Variants in SLC35F3 observed in about 807,000 individuals in gnomAD.
SLC35F3 encodes the protein solute carrier family 35 member F3.
Under a neutral mutation model 49.9 loss-of-function variants are expected in SLC35F3, and 25 were observed. The observed-to-expected ratio is 0.50, with a 90% CI of 0.37 to 0.70. The LOEUF (loss-of-function observed/expected upper bound fraction) is 0.70. Among genes scored for constraint, SLC35F3 ranks in the 30% least tolerant of loss-of-function variants. The probability of loss-of-function intolerance (pLI) is 0.00; values close to 1 mark genes in which losing one functional copy is unlikely to be tolerated. For synonymous variants in SLC35F3, 275 were observed against 265.4 expected, an observed-to-expected ratio of 1.04 and a Z score of -0.35; for missense variants, 525 against 639.8, an observed-to-expected ratio of 0.82 and a Z score of 1.94.
At position 234,320,357 on chromosome 1, in the gene SLC35F3, T is replaced by C. The variant is rs1439375228; in HGVS notation, c.1237+170T>C. On this transcript the variant is annotated intron_variant, in intron 7 of 7. Coordinates refer to ENST00000366618, the MANE Select transcript of SLC35F3 (RefSeq NM_173508.4). This position sits in a 1 kb window ranked among gnomAD's most constrained non-coding sequence, Gnocchi z 4.8. ...ACTCTCACATACATACTCACATATA[T>C]TATTGCTCTGCCTGCTATAGAATGC... 1.3e-4 allele frequency among the ~76,000 whole-genome samples: 19 copies of C among 151,914 alleles called. No individual in the cohort carries two copies. The highest frequency in any genetic ancestry group is 1.2e-3 in the Admixed American group (19 of 15,246).
At chr1:233,923,836 GA>G (rs1371550888) in intron 2 of SLC35F3, among the ~76,000 whole-genome samples, 1 of 152,174 alleles carries the variant, frequency 6.6e-6, no homozygotes, top group African/African-American at 2.4e-5. Flanking sequence ...CCTAGTTTAT[GA>G]GAGTTTTTAG....
intron 2 of SLC35F3, among the ~76,000 whole-genome samples, chr1:234,222,717 CTG>C (rs1421064880): frequency 6.6e-6 from 1 of 152,244 alleles, no homozygotes; most frequent in Non-Finnish European, 1.5e-5. Context: ...TCCTGTAAAA[CTG>C]TGGTTCATCC....
intron 2 of SLC35F3, among the ~76,000 whole-genome samples, chr1:233,912,515 C>T (rs968016116): frequency 1.8e-4 from 27 of 151,692 alleles, no homozygotes; most frequent in African/African-American, 5.1e-4. Context: ...ACAAAAAAAA[C>T]GAAAAGGAGA....
At chr1:234,244,016 T>C (rs1667594061) in intron 3 of SLC35F3, among the ~76,000 whole-genome samples, 1 of 152,192 alleles carries the variant, frequency 6.6e-6, no homozygotes, top group South Asian at 2.1e-4. Context: ...AAATGACACC[T>C]GTCAACCAGT....
At chr1:234,196,959 A>G (rs1438691838) in intron 2 of SLC35F3, among the ~76,000 whole-genome samples, 1 of 152,214 alleles carries the variant, frequency 6.6e-6, no homozygotes, top group Non-Finnish European at 1.5e-5. Flanking sequence ...AAAAAGAAAG[A>G]CAAAGATAAA....
chr1:234,073,267 CCATGT>C (rs1168577150), intron 2 of SLC35F3, among the ~76,000 whole-genome samples: 2 of 152,150 alleles, frequency 1.3e-5, no homozygotes, highest in Non-Finnish European at 2.9e-5. Flanking sequence ...CCTCAGCTTC[CCATGT>C]ATGTGGAACT....
At chr1:234,131,641 A>G (rs1271019928) in intron 2 of SLC35F3, among the ~76,000 whole-genome samples, 1 of 152,212 alleles carries the variant, frequency 6.6e-6, no homozygotes, top group East Asian at 1.9e-4. Flanking sequence ...GGGATTCAAC[A>G]TCTCTCAGCA....
intron 2 of SLC35F3, among the ~76,000 whole-genome samples, chr1:233,969,864 G>A (rs146009397): frequency 0.018 from 2,800 of 152,268 alleles, 42 homozygotes; most frequent in Non-Finnish European, 0.028. Flanking sequence ...TGGATTCTGA[G>A]ATCTGGTCAT....
intron 2 of SLC35F3, among the ~76,000 whole-genome samples, chr1:233,953,501 G>C (rs535890414): frequency 6.6e-6 from 1 of 152,302 alleles, no homozygotes; most frequent in African/African-American, 2.4e-5. Context: ...CTTTGTAAAG[G>C]TATTGCAAGT....
chr1:234,287,894 T>A (rs1668447368), intron 3 of SLC35F3, among the ~76,000 whole-genome samples: 1 of 152,144 alleles, frequency 6.6e-6, no homozygotes, highest in Admixed American at 6.5e-5. Context: ...GGTGGCGAAA[T>A]TTTTTTTAGA....
chr1:233,991,484 T>C (rs7531415), intron 2 of SLC35F3, among the ~76,000 whole-genome samples: 42,048 of 151,634 alleles, frequency 0.28, 6,070 homozygotes, highest in East Asian at 0.49. Flanking sequence ...GAAAAAAAAC[T>C]AGAGGGTACA....
At chr1:234,017,713 C>T (rs1160829048) in intron 2 of SLC35F3, among the ~76,000 whole-genome samples, 1 of 44,428 alleles carries the variant, frequency 2.3e-5, no homozygotes, top group African/African-American at 6.1e-5. Context: ...GACTTTGTCT[C>T]AGAAAAAAAA....
chr1:234,051,714 T>C (rs1429779778), intron 2 of SLC35F3, among the ~76,000 whole-genome samples: 2 of 152,194 alleles, frequency 1.3e-5, no homozygotes. Flanking sequence ...CCCTGTCTTG[T>C]GCCAGTTTTC....
At chr1:233,938,690 ATG>A (rs1662373396) in intron 2 of SLC35F3, among the ~76,000 whole-genome samples, 4 of 151,530 alleles carry the variant, frequency 2.6e-5, no homozygotes, top group Non-Finnish European at 4.4e-5. Context: ...GGATGGATGG[ATG>A]GATGGATGAA....
chr1:234,276,970 C>A (rs1668222179), intron 3 of SLC35F3, among the ~76,000 whole-genome samples: 2 of 152,104 alleles, frequency 1.3e-5, no homozygotes, highest in Admixed American at 6.6e-5. Context: ...ATGTGGGCAC[C>A]CAGGGGGAGT....
chr1:234,201,907 CT>C (rs1666905134), intron 2 of SLC35F3, among the ~76,000 whole-genome samples: 8 of 91,992 alleles, frequency 8.7e-5, no homozygotes, highest in African/African-American at 3.1e-4. Flanking sequence ...AGCTAGACTT[CT>C]TCTCAAAAAA....
At chr1:234,194,181 C>T (rs1021546353) in intron 2 of SLC35F3, among the ~76,000 whole-genome samples, 2 of 152,250 alleles carry the variant, frequency 1.3e-5, no homozygotes, top group East Asian at 3.9e-4. Flanking sequence ...GCACAATTCG[C>T]AATTGCAAAA....
At chr1:233,962,561 C>T (rs998959810) in intron 2 of SLC35F3, among the ~76,000 whole-genome samples, 1 of 152,308 alleles carries the variant, frequency 6.6e-6, no homozygotes, top group Non-Finnish European at 1.5e-5. Context: ...TAAAATGAAT[C>T]AAGGTCTTTG....
intron 3 of SLC35F3, among the ~76,000 whole-genome samples, chr1:234,295,936 T>C (rs990317287): frequency 2.0e-5 from 3 of 152,232 alleles, no homozygotes; most frequent in Admixed American, 6.5e-5. Context: ...CTCTGCTGTG[T>C]CTTCTCCACT....
Sources: allele counts gnomAD v4.1 joint callset (sites outside exome capture counted in the v4.1 genomes callset), GRCh38; gene constraint gnomAD v4.1.1; non-coding constraint Gnocchi (gnomAD v3.1); transcripts MANE v1.5; gene names NCBI Gene and HGNC (gene_info 2026-07-23, HGNC 2026-07-21).